MYOM2: variants seen among roughly 807,000 people sequenced by gnomAD.
MYOM2 encodes the protein myomesin-2.
In MYOM2, 254 loss-of-function variants were observed where a neutral mutation model predicts 187.6. That is an observed-to-expected ratio of 1.35 (90% CI 1.22 to 1.50). The LOEUF is 1.50. Among genes scored for constraint, MYOM2 ranks in the 40% most tolerant of loss-of-function variants. MYOM2 has a pLI of 0.00. For missense variants in MYOM2, 2,796 were observed against 1,924.0 expected (o/e 1.45, Z -8.48); for synonymous variants, 981 against 753.8 (o/e 1.30, Z -4.94).
At chr8:2,064,881 C>T (rs555393561) in intron 6 of MYOM2, among the ~76,000 whole-genome samples, 1 of 152,314 alleles carries the variant, frequency 6.6e-6, no homozygotes, top group African/African-American at 2.4e-5. Context: ...ATCCCCTGCC[C>T]AGGAGCTGTG....
chr8:2,143,431 A>T lies in MYOM2; in HGVS notation c.4055A>T (p.Asp1352Val). The T allele has an allele frequency of 3.1e-6, 5 of 1,613,990 alleles. No homozygotes were observed. Among genetic ancestry groups the T allele is most frequent in the Non-Finnish European group, 4.2e-6 (5 of 1,180,016 alleles). Residue 1352 changes from aspartate to valine, a missense_variant, in exon 36 of 37, where the codon GAC (aspartate) becomes GTC (valine). Transcript: ENST00000262113. ...GGCAGGTTGATCGGCGGCTTGCCTG[A>T]CGTGGTGACCATCATGGAAGGGAAG... is the stretch of plus-strand genomic sequence containing the variant. Reference protein sequence around the residue: ...NRGRLIGGLPDVVTIMEGKTL... With the variant: ...NRGRLIGGLPVVVTIMEGKTL...
chr8:2,136,907 G>T (rs1402175388), intron 32 of MYOM2, among the ~76,000 whole-genome samples: 1 of 152,166 alleles, frequency 6.6e-6, no homozygotes, highest in Non-Finnish European at 1.5e-5. Context: ...AGCATTTGCA[G>T]CGCAACTTTC....
rs371715613 is a variant in MYOM2, at chr8:2,093,960, T to C, written c.2004-10T>C. The C allele has an allele frequency of 3.7e-6, 6 of 1,613,658 alleles. No individual in the cohort carries two copies. The African/African-American group carries it at 6.7e-5, about 18-fold the overall frequency. ...CTGGCAGTTCTGACCCTGATCCCTG[T>C]GTTTCTCAGGTTCGTGGTGCACGGC... On this transcript the variant is annotated splice_polypyrimidine_tract_variant and intron_variant, in intron 16 of 36. Coordinates refer to ENST00000262113, the MANE Select transcript of MYOM2 (RefSeq NM_003970.4).
intron 10 of MYOM2, among the ~76,000 whole-genome samples, chr8:2,073,810 A>G (rs1819321504): frequency 6.6e-6 from 1 of 152,110 alleles, no homozygotes; most frequent in South Asian, 2.1e-4. Context: ...CCCCAGATTT[A>G]CTCATTCTCA....
intron 6 of MYOM2, 45 bp from the exon 7 acceptor site, chr8:2,069,233 T>TAA (rs1395198593): frequency 1.3e-6 from 2 of 1,576,334 alleles, no homozygotes; most frequent in Non-Finnish European, 1.7e-6. Context: ...CACTGACTTT[T>TAA]ACACAACAGT....
Position 2,059,193 on chromosome 8 carries a change from G to A in MYOM2, c.601G>A (p.Gly201Arg). The A allele has an allele frequency of 6.2e-7, 1 of 1,614,194 alleles. No individual in the cohort carries two copies. The highest frequency in any genetic ancestry group is 8.5e-7 in the Non-Finnish European group (1 of 1,180,040). The stretch of plus-strand genomic sequence containing the variant: ...TCTGATTTGCCAGGCGGCTGAACCG[G>A]GAAAGTACAGGATTGAGAGCAACTA... ...GSLICQAAEP[G>R]KYRIESNYGV... Residue 201 changes from glycine (G) to arginine (R), a missense_variant, in exon 6 of 37, where the codon GGA becomes AGA. Transcript: ENST00000262113.
At chr8:2,061,655 C>T (rs1307789428) in intron 6 of MYOM2, among the ~76,000 whole-genome samples, 1 of 152,204 alleles carries the variant, frequency 6.6e-6, no homozygotes, top group Non-Finnish European at 1.5e-5. Flanking sequence ...CTGCATGGGG[C>T]CTGGGGCCTT....
chr8:2,114,971 A>G (rs1797191017), intron 25 of MYOM2, among the ~76,000 whole-genome samples: 1 of 152,204 alleles, frequency 6.6e-6, no homozygotes, highest in Admixed American at 6.5e-5. Context: ...GGCAAAGACC[A>G]ATACCATATG....
intron 32 of MYOM2, among the ~76,000 whole-genome samples, chr8:2,130,522 A>G (rs1354494630): frequency 6.6e-6 from 1 of 152,230 alleles, no homozygotes; most frequent in Non-Finnish European, 1.5e-5. Flanking sequence ...TTCACTTTTA[A>G]TATCACTGGT....
chr8:2,089,140 C>A (rs1220776264), intron 14 of MYOM2, among the ~76,000 whole-genome samples: 1 of 78,902 alleles, frequency 1.3e-5, no homozygotes, highest in Non-Finnish European at 3.1e-5. Context: ...TTACCAGGGT[C>A]AGTGTATATC....
At chr8:2,095,861 C>G (rs1349177628) in intron 17 of MYOM2, among the ~76,000 whole-genome samples, 1 of 152,168 alleles carries the variant, frequency 6.6e-6, no homozygotes, top group Non-Finnish European at 1.5e-5. Context: ...GCCACAGATG[C>G]AGAATAGTTA....
rs141788145 is a variant in MYOM2, at chr8:2,057,628, G to A, written c.408G>A (p.Glu136=). 2.4e-4 allele frequency: 391 copies of A among 1,614,056 alleles called. 3 individuals carry two copies. The African/African-American group carries it at 4.7e-3, about 19-fold the overall frequency. Residue 136 remains glutamate (E), a synonymous_variant, in exon 5 of 37, where the codon GAG becomes GAA. Transcript: ENST00000262113. ...ATCCTTGCTTCTCGGGGCAGATGGA[G>A]GACAAGCTGGCCTGGGAGAGACACA... ...LDKYAIQQMM[E]DKLAWERHTF... is the part of the protein sequence containing the mutation.
chr8:2,082,694 A>G (rs1391363011), intron 13 of MYOM2, among the ~76,000 whole-genome samples: 1 of 152,204 alleles, frequency 6.6e-6, no homozygotes, highest in Non-Finnish European at 1.5e-5. Context: ...ACAGAATATA[A>G]TAAGAGCGTT....
intron 31 of MYOM2, chr8:2,127,739 C>T (rs1400055231): frequency 7.1e-6 from 1 of 141,734 alleles, no homozygotes; most frequent in African/African-American, 2.7e-5. Flanking sequence ...CAGGCAGTAC[C>T]TCGGCGTGAC....
chr8:2,051,688 T>C (rs772385183), intron 2 of MYOM2, among the ~76,000 whole-genome samples: 1 of 152,204 alleles, frequency 6.6e-6, no homozygotes, highest in African/African-American at 2.4e-5. Flanking sequence ...AGAAAGACTG[T>C]GGCCGGCACT....
In MYOM2 at chr8:2,085,375, G is replaced by A. The variant is rs1186662849; in HGVS notation, c.1629G>A (p.Met543Ile). The change falls in exon 14 of 37, where the codon ATG (methionine) becomes ATA (isoleucine). Residue 543 changes from methionine (M) to isoleucine (I), a missense_variant. Met to Ile is a conservative substitution (Grantham distance 10, BLOSUM62 1). Transcript: ENST00000262113. The part of the protein sequence containing the change: ...PPTPRGKDPL[M>I]YFIEKSVVGS... The stretch of plus-strand genomic sequence containing the variant: ...CTCCCCGTGGCAAGGACCCGCTCAT[G>A]TACTTCATTGAGAAGGTAAACTCCG... The A allele has an allele frequency of 1.9e-6, 3 of 1,613,628 alleles. No homozygotes were observed. Among genetic ancestry groups the A allele is most frequent in the Non-Finnish European group, 2.5e-6 (3 of 1,179,800 alleles).
At chr8:2,072,611 G>C in intron 9 of MYOM2, 102 bp downstream of exon 9, 1 of 1,379,964 alleles carries the variant, frequency 7.2e-7, no homozygotes. Context: ...TCTACCACTG[G>C]GTCAGCTCCA....
chr8:2,095,292 TC>T (rs1156771411), intron 17 of MYOM2, among the ~76,000 whole-genome samples: 2 of 146,302 alleles, frequency 1.4e-5, no homozygotes, highest in Admixed American at 6.7e-5. Context: ...AAAACCACTT[TC>T]TTTTTTTTTT....
intron 31 of MYOM2, 104 bp from the exon 32 acceptor site, chr8:2,129,023 C>T: frequency 1.4e-6 from 1 of 707,698 alleles, no homozygotes; most frequent in South Asian, 1.7e-5. Context: ...CAAGTGAGAA[C>T]AGGATTGCAG....
Sources: allele counts gnomAD v4.1 joint callset (sites outside exome capture counted in the v4.1 genomes callset), GRCh38; gene constraint gnomAD v4.1.1; transcripts MANE v1.5; gene names NCBI Gene and HGNC (gene_info 2026-07-23, HGNC 2026-07-21).